Variants in THOC6 observed in about 807,000 individuals in gnomAD.
THOC6 encodes THO complex 6.
In THOC6, 39 loss-of-function variants were observed where a neutral mutation model predicts 55.8. The observed-to-expected ratio is 0.70, with a 90% CI of 0.54 to 0.91. The LOEUF (loss-of-function observed/expected upper bound fraction) is 0.91. THOC6 is among the 40% of genes least tolerant of loss of function. The probability of loss-of-function intolerance (pLI) is 0.00; values close to 1 mark genes in which losing one functional copy is unlikely to be tolerated. For synonymous variants in THOC6, 192 were observed against 175.6 expected (o/e 1.09, Z -0.74); for missense variants, 482 against 442.0 (o/e 1.09, Z -0.81).
rs375572844 is a variant in THOC6, at chr16:3,024,061, G to A, written c.-266G>A. ...CAGCCGCGAGGTTCTGCGCGGGCGC[G>A]GAAGACGGGCGGCGCGTGGCGGAAG... On this transcript the variant is annotated 5_prime_UTR_variant, in exon 1 of 13. Transcript: ENST00000326266. 8.1e-5 allele frequency: 71 copies of A among 875,444 alleles called. 1 individual carries two copies. The East Asian group carries it at 8.2e-4, about 10-fold the overall frequency. The allele number at this position is 875,444 out of a possible 1,614,324, so 54.2% of individuals were successfully genotyped here.
In THOC6 at chr16:3,026,530, C is replaced by G. The variant is rs1256016151; in HGVS notation, c.426C>G (p.Ile142Met). The G allele has an allele frequency of 6.2e-7, 1 of 1,614,054 alleles. No individual in the cohort carries two copies. Among genetic ancestry groups the G allele is most frequent in the African/African-American group, 1.3e-5 (1 of 74,914 alleles). The part of the protein sequence containing the change: ...LLLVPKENSL[I>M]LAGGDCQLHT... The stretch of plus-strand genomic sequence containing the variant: ...CTCCTCCACAGGAGAATTCCCTCAT[C>G]CTGGCTGGGGGAGACTGTCAGTTGC... Residue 142 changes from isoleucine (I) to methionine (M), a missense_variant, in exon 7 of 13, where the codon ATC becomes ATG. Physicochemically the swap from Ile to Met is conservative, Grantham distance 10 (BLOSUM62 1). Coordinates refer to ENST00000326266, the MANE Select transcript of THOC6 (RefSeq NM_024339.5).
In THOC6 at chr16:3,027,278, C is replaced by T. The variant is rs577388310; in HGVS notation, c.808C>T (p.Leu270=). 3.7e-6 allele frequency: 6 copies of T among 1,614,218 alleles called. No homozygotes were observed. In the East Asian group the frequency reaches 1.1e-4, roughly 30 times the overall value. The part of the protein sequence containing the change: ...PQKHVTFYQD[L]ILSAGQGRCV... ...GAAGCACGTCACCTTCTACCAGGAC[C>T]TGGTGAGGCCCTGTGTCTCACTTCT... Residue 270 remains leucine (L), a splice_region_variant and synonymous_variant, in exon 11 of 13, where the codon CTG becomes TTG. Coordinates refer to ENST00000326266, the MANE Select transcript of THOC6 (RefSeq NM_024339.5).
chr16:3,027,352 C>T lies in THOC6; in HGVS notation c.811-14C>T. The T allele has an allele frequency of 6.2e-7, 1 of 1,613,412 alleles. No individual in the cohort carries two copies. The highest frequency in any genetic ancestry group is 8.5e-7 in the Non-Finnish European group (1 of 1,179,550). On this transcript the variant is annotated splice_polypyrimidine_tract_variant and intron_variant, in intron 11 of 12. Coordinates refer to ENST00000326266, the MANE Select transcript of THOC6 (RefSeq NM_024339.5). ...TCAGTCCTGACCCCTGAGCACCTTC[C>T]CTGTCCTCTGCAGATTCTGTCAGCT... is the stretch of plus-strand genomic sequence containing the variant.
At chr16:3,026,623 G>C (rs1342941098) in intron 7 of THOC6, 36 bp downstream of exon 7, 2 of 1,612,644 alleles carry the variant, frequency 1.2e-6, no homozygotes, top group East Asian at 2.2e-5. Context: ...GCAGGTCTAG[G>C]TCAGGGAGAG....
At position 3,027,215 on chromosome 16, in the gene THOC6, T is replaced by C; in HGVS notation, c.745T>C (p.Ser249Pro). 1 of 1,614,120 alleles carries C rather than the reference T, an allele frequency of 6.2e-7. No homozygotes were observed. The highest frequency in any genetic ancestry group is 8.5e-7 in the Non-Finnish European group (1 of 1,180,026). ...CCTCACCCTCTGGCACCTCCGATCC[T>C]CCACACCCACCACCATCTTCCCCAT... is the stretch of plus-strand genomic sequence containing the variant. ...PALTLWHLRSSTPTTIFPIRA... is the reference protein window; with the variant it reads ...PALTLWHLRSPTPTTIFPIRA... Residue 249 changes from serine to proline, a missense_variant, in exon 11 of 13, where the codon TCC becomes CCC. Transcript: ENST00000326266.
Position 3,024,042 on chromosome 16 carries a change from C to A in THOC6, c.-285C>A. On this transcript the variant is annotated 5_prime_UTR_variant, in exon 1 of 13. Transcript: ENST00000326266. ...GCGTGGCTTTAGGCGGGCACAGCCG[C>A]GAGGTTCTGCGCGGGCGCGGAAGAC... is the stretch of plus-strand genomic sequence containing the variant. The A allele has an allele frequency of 4.1e-6, 4 of 979,170 alleles. No homozygotes were observed. Among genetic ancestry groups the A allele is most frequent in the Non-Finnish European group, 5.9e-6 (4 of 675,362 alleles). The allele number at this position is 979,170 out of a possible 1,614,324, so 60.7% of individuals were successfully genotyped here. A position where few individuals can be genotyped will look rare whatever the true frequency, so the allele number is the denominator to read the frequency against.
rs1478069120 is a variant in THOC6 at position 3,027,476 on chromosome 16, G to A, written c.921G>A (p.Gln307=). The change falls in exon 12 of 13, where the codon CAG becomes CAA. Residue 307 remains glutamine (Q), a synonymous_variant. Transcript: ENST00000326266. ...SPGLLSLSLN[Q]QPAAPECKVL... ...GGCTGCTCAGCCTCAGCCTCAACCA[G>A]CAGCCTGCCGCGCCTGAGTGCAAGG... is the stretch of plus-strand genomic sequence containing the variant. The A allele has an allele frequency of 1.2e-5, 19 of 1,610,016 alleles. No individual in the cohort carries two copies. Among genetic ancestry groups the A allele is most frequent in the Non-Finnish European group, 1.6e-5 (19 of 1,177,902 alleles).
At chr16:3,026,448 T>G (rs745946268) in intron 6 of THOC6, 35 bp downstream of exon 6, 1 of 1,614,158 alleles carries the variant, frequency 6.2e-7, no homozygotes, top group South Asian at 1.1e-5. Flanking sequence ...TGGTCCAAAC[T>G]TTGATCCTTC....
rs1313066420 is a variant in THOC6, at chr16:3,026,136, G to A, written c.294G>A (p.Lys98=). The A allele has an allele frequency of 6.2e-7, 1 of 1,608,392 alleles. No individual in the cohort carries two copies. The highest frequency in any genetic ancestry group is 2.2e-5 in the East Asian group (1 of 44,764). The change falls in exon 4 of 13, where the codon AAG becomes AAA. Residue 98 remains lysine (K), a synonymous_variant. Coordinates refer to ENST00000326266, the MANE Select transcript of THOC6 (RefSeq NM_024339.5). ...TTAGTGCTGGGGATGGGGAGGTGAA[G>A]GCCTGGCTTTGGGCGGAGATGCTCA... ...HLLSAGDGEV[K]AWLWAEMLKK... is the part of the protein sequence containing the mutation.
In THOC6 at chr16:3,027,665, C is replaced by G. The variant is rs371009947; in HGVS notation, c.*8C>G. ...TTCTCCCTGTCCTTCTGATCTCTGA[C>G]GACACCCCCAGCCAGCTCAGGGTTT... On this transcript the variant is annotated 3_prime_UTR_variant, in exon 13 of 13. Transcript: ENST00000326266. 6.2e-7 allele frequency: 1 copy of G among 1,613,476 alleles called. No homozygotes were observed. The highest frequency in any genetic ancestry group is 1.1e-5 in the South Asian group (1 of 91,006).
chr16:3,026,495 C>T (rs377368762), intron 6 of THOC6, 21 bp from the exon 7 acceptor site: 9 of 1,613,974 alleles, frequency 5.6e-6, no homozygotes, highest in East Asian at 2.2e-5. Flanking sequence ...TGACTTTCTG[C>T]CTCATCCTGC....
In THOC6 at chr16:3,026,520, A is replaced by G. The variant is rs766196024; in HGVS notation, c.416A>G (p.Asn139Ser). 2.5e-6 allele frequency: 4 copies of G among 1,614,050 alleles called. No homozygotes were observed. Among genetic ancestry groups the G allele is most frequent in the South Asian group, 1.1e-5 (1 of 91,076 alleles). Residue 139 changes from asparagine (N) to serine (S), a missense_variant, in exon 7 of 13, where the codon AAT becomes AGT. Coordinates refer to ENST00000326266, the MANE Select transcript of THOC6 (RefSeq NM_024339.5). ...INALLLVPKENSLILAGGDCQ... is the reference protein window; with the variant it reads ...INALLLVPKESSLILAGGDCQ... ...CCTCATCCTGCTCCTCCACAGGAGA[A>G]TTCCCTCATCCTGGCTGGGGGAGAC... is the stretch of plus-strand genomic sequence containing the variant.
intron 6 of THOC6, 33 bp from the exon 7 acceptor site, chr16:3,026,483 A>C: frequency 6.2e-7 from 1 of 1,613,994 alleles, no homozygotes. Context: ...CTGATTTGAC[A>C]TTGACTTTCT....
chr16:3,025,623 G>T, intron 1 of THOC6, 85 bp from the exon 2 acceptor site: 1 of 1,293,598 alleles, frequency 7.7e-7, no homozygotes, highest in Non-Finnish European at 1.1e-6. Flanking sequence ...GGGAGGCCTG[G>T]CAGGTTTTGG....
chr16:3,025,903 T>TC, intron 2 of THOC6, 21 bp from the exon 3 acceptor site: 2 of 1,614,150 alleles, frequency 1.2e-6, no homozygotes, highest in Non-Finnish European at 1.7e-6. Flanking sequence ...GACTCCTGGG[T>TC]CCCCTCCGCT....
At position 3,026,238 on chromosome 16, in the gene THOC6, T is replaced by C. The variant is rs749929477; in HGVS notation, c.325-13T>C. 6.2e-7 allele frequency: 1 copy of C among 1,614,126 alleles called. No homozygotes were observed. The highest frequency in any genetic ancestry group is 2.2e-5 in the East Asian group (1 of 44,884). ...AGAGCCTTTGAGGTCACCTGGTATT[T>C]TCTCTTTTGAAGGGCTGTAAGGAGC... On this transcript the variant is annotated splice_polypyrimidine_tract_variant and intron_variant, in intron 4 of 12. Coordinates refer to ENST00000326266, the MANE Select transcript of THOC6 (RefSeq NM_024339.5).
In THOC6 at chr16:3,026,769, G is replaced by T. The variant is rs376441483; in HGVS notation, c.574G>T (p.Val192Phe). Residue 192 changes from valine to phenylalanine, a missense_variant, in exon 8 of 13, where the codon GTT becomes TTT. Physicochemically the swap from Val to Phe is conservative, Grantham distance 50 (BLOSUM62 -1). Transcript: ENST00000326266. ...EVLSGGEDGA[V>F]RLWDLRTAKE... is the part of the protein sequence containing the mutation. ...GCTGTCAGGTGGCGAGGATGGAGCT[G>T]TTCGACTTTGGGGTAAGCAGGTGGC... 1.2e-6 allele frequency: 2 copies of T among 1,613,782 alleles called. No homozygotes were observed. The highest frequency in any genetic ancestry group is 2.7e-5 in the African/African-American group (2 of 74,912).
Position 3,026,056 on chromosome 16 carries a change from T to C in THOC6, c.221-7T>C. 1 of 1,613,224 alleles carries C rather than the reference T, an allele frequency of 6.2e-7. No individual in the cohort carries two copies. Among genetic ancestry groups the C allele is most frequent in the Non-Finnish European group, 8.5e-7 (1 of 1,179,274 alleles). On this transcript the variant is annotated splice_polypyrimidine_tract_variant and splice_region_variant and intron_variant, in intron 3 of 12. Transcript: ENST00000326266. ...ATTGGCTCACTCAGTTCTGCATTTCTCTTTAGCCCATGATGGGCCCGTCTA... is the reference window on the plus strand; with the variant it reads ...ATTGGCTCACTCAGTTCTGCATTTCCCTTTAGCCCATGATGGGCCCGTCTA...
intron 11 of THOC6, 22 bp downstream of exon 11, chr16:3,027,302 C>G (rs762999564): frequency 2.1e-5 from 34 of 1,614,084 alleles, no homozygotes; most frequent in Non-Finnish European, 2.1e-5. Flanking sequence ...TGTCTCACTT[C>G]TGCCACCCCC....
Sources: gnomAD v4.1 joint callset for allele counts on GRCh38, gnomAD v4.1.1 for gene constraint, MANE v1.5 for transcripts, NCBI Gene and HGNC (gene_info 2026-07-23, HGNC 2026-07-21) for gene names.